MCF2: variants seen among roughly 807,000 people sequenced by gnomAD.
MCF2 encodes the protein MCF.2 cell line derived transforming sequence, also known as proto-oncogene DBL.
MCF2 carries 44 observed loss-of-function variants against 82.5 expected under a neutral mutation model. The observed-to-expected ratio is 0.53, with a 90% CI of 0.42 to 0.69. The LOEUF (loss-of-function observed/expected upper bound fraction) is 0.69, where lower values mean the gene tolerates loss of function less well. Among genes scored for constraint, MCF2 ranks in the 30% least tolerant of loss-of-function variants. The probability of loss-of-function intolerance (pLI) is 0.00; values close to 1 mark genes in which losing one functional copy is unlikely to be tolerated. For missense variants in MCF2, 623 were observed against 663.1 expected (o/e 0.94, Z 0.66); for synonymous variants, 217 against 224.9 (o/e 0.96, Z 0.32).
chrX:139,610,573 C>T lies in MCF2; in HGVS notation c.1364-235G>A, dbSNP rs142782560. ...CCCATTCTCTCATTCATCAAACATT[C>T]ACTTACTTGCCAAGCATTGAGGTAG... On this transcript the variant is annotated intron_variant, in intron 10 of 24. Coordinates refer to ENST00000370576, the Ensembl canonical transcript of MCF2. Among the ~76,000 whole-genome samples, 572 of 111,890 alleles carry T rather than the reference C, an allele frequency of 5.1e-3. 5 individuals are homozygous for T. Among genetic ancestry groups the T allele is most frequent in the African/African-American group, 0.018 (549 of 30,889 alleles).
chrX:139,700,195 C>T (rs1279400198), intron 1 of MCF2, among the ~76,000 whole-genome samples: 2 of 111,340 alleles, frequency 1.8e-5, no homozygotes, highest in Non-Finnish European at 3.8e-5. Context: ...GGCCCAATTT[C>T]CAACGTTTTC....
At chrX:139,664,257 C>T (rs1401309959) in intron 1 of MCF2, among the ~76,000 whole-genome samples, 1 of 110,108 alleles carries the variant, frequency 9.1e-6, no homozygotes, top group Admixed American at 9.7e-5. Context: ...CCTGCCTCGG[C>T]CTCCCAAGGT....
chrX:139,588,529 A>C, intron 20 of MCF2, 91 bp from the exon 25 acceptor site: 1 of 550,839 alleles, frequency 1.8e-6, no homozygotes, highest in Non-Finnish European at 3.1e-6. Flanking sequence ...TTGTGTACAT[A>C]AAATATGATC....
chrX:139,668,481 A>T (rs1306972211), intron 1 of MCF2, among the ~76,000 whole-genome samples: 1 of 111,150 alleles, frequency 9.0e-6, no homozygotes, highest in Non-Finnish European at 1.9e-5. Context: ...TTCCATGGCC[A>T]GGATTGCATG....
upstream of MCF2, among the ~76,000 whole-genome samples, chrX:139,644,053 G>A (rs1272185130): frequency 8.9e-6 from 1 of 112,054 alleles, no homozygotes; most frequent in Non-Finnish European, 1.9e-5. Context: ...TAAAAGACCG[G>A]AGCAAGGGAA....
chrX:139,603,853 AAAAT>A (rs967221528), intron 15 of MCF2, among the ~76,000 whole-genome samples: 1 of 111,077 alleles, frequency 9.0e-6, no homozygotes, highest in African/African-American at 3.3e-5. Flanking sequence ...ATAAAAAAAT[AAAAT>A]AAATAAAGTT....
chrX:139,641,167 AAT>A (rs200470729), intron 1 of MCF2, among the ~76,000 whole-genome samples: 2,294 of 105,519 alleles, frequency 0.022, 25 homozygotes, highest in Non-Finnish European at 0.032. Flanking sequence ...CAGCACTGAG[AAT>A]ATATATATAT....
intron 19 of MCF2, among the ~76,000 whole-genome samples, chrX:139,590,403 G>C (rs73573942): frequency 0.017 from 1,816 of 109,664 alleles, 32 homozygotes; most frequent in African/African-American, 0.057. Context: ...CTAATTCATG[G>C]GACAGGAGAG....
intron 1 of MCF2, among the ~76,000 whole-genome samples, chrX:139,664,677 C>T (rs1281710614): frequency 8.9e-6 from 1 of 112,540 alleles, no homozygotes; most frequent in Non-Finnish European, 1.9e-5. Context: ...TGTGGCTGAG[C>T]TAGTACCTAA....
At chrX:139,692,675 T>C (rs1388495122) in intron 1 of MCF2, among the ~76,000 whole-genome samples, 1 of 112,150 alleles carries the variant, frequency 8.9e-6, no homozygotes, top group African/African-American at 3.2e-5. Flanking sequence ...GGCGGTTTCT[T>C]AGCATTCTGG....
At chrX:139,595,830 G>A (rs981301023) in intron 19 of MCF2, among the ~76,000 whole-genome samples, 6 of 111,652 alleles carry the variant, frequency 5.4e-5, no homozygotes, top group Non-Finnish European at 9.4e-5. Flanking sequence ...TGGGTCTCAT[G>A]TGAATTGGAA....
chrX:139,619,166 A>G (rs529102307), intron 7 of MCF2, among the ~76,000 whole-genome samples: 1 of 111,166 alleles, frequency 9.0e-6, no homozygotes, highest in East Asian at 2.8e-4. Context: ...CTCCAAAATA[A>G]TTTATGCCCT....
At chrX:139,600,883 T>G (rs901739194) in intron 16 of MCF2, among the ~76,000 whole-genome samples, 1 of 110,743 alleles carries the variant, frequency 9.0e-6, no homozygotes, top group Non-Finnish European at 1.9e-5. Context: ...AAAAGCAAAG[T>G]GAAGACAACA....
chrX:139,595,512 G>A (rs1383021667), intron 19 of MCF2, among the ~76,000 whole-genome samples: 1 of 99,080 alleles, frequency 1.0e-5, no homozygotes, highest in Non-Finnish European at 2.0e-5. Context: ...TCACTCATAG[G>A]TGGGAATTGA....
At chrX:139,590,926 T>C (rs1266816965) in intron 19 of MCF2, among the ~76,000 whole-genome samples, 4 of 111,294 alleles carry the variant, frequency 3.6e-5, no homozygotes, top group Non-Finnish European at 3.8e-5. Flanking sequence ...ACCCTGAACG[T>C]AGTAAGAAGT....
intron 1 of MCF2, among the ~76,000 whole-genome samples, chrX:139,690,635 C>G (rs1935239469): frequency 9.0e-6 from 1 of 111,256 alleles, no homozygotes; most frequent in South Asian, 3.8e-4. Flanking sequence ...ATTAATTCCT[C>G]TGGTCTAACT....
intron 1 of MCF2, among the ~76,000 whole-genome samples, chrX:139,664,968 T>C (rs1185449095): frequency 9.0e-6 from 1 of 111,176 alleles, no homozygotes; most frequent in African/African-American, 3.3e-5. Context: ...AGAAATGCCG[T>C]ATGGGAGCTA....
intron 1 of MCF2, among the ~76,000 whole-genome samples, chrX:139,672,441 G>T (rs1216963214): frequency 8.9e-6 from 1 of 112,521 alleles, no homozygotes; most frequent in Non-Finnish European, 1.9e-5. Context: ...GTATGACATT[G>T]GCTGTGGGTT....
chrX:139,626,434 T>C, intron 5 of MCF2, 127 bp from the exon 9 acceptor site: 2 of 585,154 alleles, frequency 3.4e-6, no homozygotes, highest in East Asian at 3.3e-5. Context: ...GTTCTACCTA[T>C]AGAGACAACC....
Sources: gnomAD v4.1 joint callset for allele counts (sites outside exome capture counted in the v4.1 genomes callset) on GRCh38, gnomAD v4.1.1 for gene constraint, MANE v1.5 for transcripts, NCBI Gene and HGNC (gene_info 2026-07-23, HGNC 2026-07-21) for gene names.